GABRB1: variants seen among roughly 807,000 people sequenced by gnomAD.
GABRB1 encodes the protein gamma-aminobutyric acid receptor subunit beta-1.
GABRB1 carries 17 observed loss-of-function variants against 51.6 expected under a neutral mutation model. The ratio of observed to expected loss-of-function variants is 0.33; its 90% CI spans 0.23 to 0.49. The LOEUF is 0.49. GABRB1 is among the 20% of genes least tolerant of loss of function. The pLI is 0.99. For synonymous variants in GABRB1, 247 were observed against 218.9 expected, an observed-to-expected ratio of 1.13 and a Z score of -1.14; for missense variants, 410 against 600.6, an observed-to-expected ratio of 0.68 and a Z score of 3.32.
intron 4 of GABRB1, among the ~76,000 whole-genome samples, chr4:47,208,095 C>A (rs1367116305): frequency 1.3e-5 from 2 of 151,978 alleles, no homozygotes; most frequent in African/African-American, 2.4e-5. Flanking sequence ...TATCTATTGA[C>A]AGATAAGTGG....
rs138069242 is a variant in GABRB1 at position 47,101,841 on chromosome 4, C to T, written c.241-59408C>T. ...TATATTCTGATTTTGAAAACTTGGT[C>T]CTTAGATATGGCATGCTTATTTCAG... On this transcript the variant is annotated intron_variant, in intron 3 of 8. Transcript: ENST00000295454. Among the ~76,000 whole-genome samples the T allele has an allele frequency of 2.0e-5, 3 of 152,004 alleles. No individual in the cohort carries two copies. In the East Asian group the frequency reaches 5.8e-4, roughly 29 times the overall value.
intron 3 of GABRB1, among the ~76,000 whole-genome samples, chr4:47,132,105 G>A (rs987806943): frequency 6.6e-6 from 1 of 152,054 alleles, no homozygotes; most frequent in African/African-American, 2.4e-5. Context: ...TATTGAAGAA[G>A]AATAAAAATC....
intron 3 of GABRB1, among the ~76,000 whole-genome samples, chr4:47,090,193 AT>A (rs1728237525): frequency 6.6e-6 from 1 of 152,222 alleles, no homozygotes; most frequent in Non-Finnish European, 1.5e-5. Context: ...GTTTACTTTT[AT>A]ATCCTGTTAT....
intron 4 of GABRB1, among the ~76,000 whole-genome samples, chr4:47,205,291 C>A (rs1273361320): frequency 6.6e-6 from 1 of 152,114 alleles, no homozygotes; most frequent in Non-Finnish European, 1.5e-5. Flanking sequence ...ACAGAGAAGA[C>A]AAAAGTTGCC....
chr4:47,272,458 T>A (rs999094297), intron 4 of GABRB1, among the ~76,000 whole-genome samples: 1 of 152,180 alleles, frequency 6.6e-6, no homozygotes, highest in African/African-American at 2.4e-5. Context: ...AAGTTCAAGA[T>A]AAGAATTCTA....
chr4:47,376,707 A>G (rs1254075141), intron 5 of GABRB1, among the ~76,000 whole-genome samples: 3 of 152,156 alleles, frequency 2.0e-5, no homozygotes, highest in African/African-American at 7.2e-5. Context: ...TCTTGGGAGG[A>G]GTAGAGGCAC....
At chr4:47,375,544 G>A (rs953357473) in intron 5 of GABRB1, among the ~76,000 whole-genome samples, 1 of 152,164 alleles carries the variant, frequency 6.6e-6, no homozygotes, top group Non-Finnish European at 1.5e-5. Flanking sequence ...ATTTGTTGGT[G>A]GGGAGATGCG....
chr4:47,129,367 T>C (rs1048559135), intron 3 of GABRB1, among the ~76,000 whole-genome samples: 1 of 152,060 alleles, frequency 6.6e-6, no homozygotes, highest in African/African-American at 2.4e-5. Flanking sequence ...ATAAACCAAA[T>C]ATCAAACATG....
intron 3 of GABRB1, among the ~76,000 whole-genome samples, chr4:47,117,360 C>G (rs1715540953): frequency 6.6e-6 from 1 of 152,134 alleles, no homozygotes; most frequent in Non-Finnish European, 1.5e-5. Context: ...ATGAGTAAGT[C>G]TCTCTAATCT....
chr4:47,226,052 C>G (rs1720934989), intron 4 of GABRB1, among the ~76,000 whole-genome samples: 1 of 152,132 alleles, frequency 6.6e-6, no homozygotes, highest in African/African-American at 2.4e-5. Flanking sequence ...ATTCATTCAT[C>G]AACTATTTAT....
At chr4:47,134,915 G>C (rs1716573874) in intron 3 of GABRB1, among the ~76,000 whole-genome samples, 1 of 152,152 alleles carries the variant, frequency 6.6e-6, no homozygotes, top group Non-Finnish European at 1.5e-5. Context: ...CCAGAAGTTT[G>C]AGATCAGCCT....
At chr4:47,182,743 T>C (rs1719005401) in intron 4 of GABRB1, among the ~76,000 whole-genome samples, 1 of 151,952 alleles carries the variant, frequency 6.6e-6, no homozygotes, top group African/African-American at 2.4e-5. Context: ...AGGTAATAAG[T>C]TGCTTTAATA....
At chr4:47,080,904 CT>C (rs944079284) in intron 3 of GABRB1, among the ~76,000 whole-genome samples, 30 of 152,168 alleles carry the variant, frequency 2.0e-4, no homozygotes, top group African/African-American at 7.0e-4. Context: ...GGATTTATGT[CT>C]TTTTGGATAA....
chr4:47,125,117 T>A (rs1350554552), intron 3 of GABRB1, among the ~76,000 whole-genome samples: 1 of 152,064 alleles, frequency 6.6e-6, no homozygotes, highest in African/African-American at 2.4e-5. Context: ...TTTTCATGAG[T>A]CTATCGCAGA....
chr4:47,308,812 T>C (rs745818113), intron 4 of GABRB1, among the ~76,000 whole-genome samples: 28 of 152,132 alleles, frequency 1.8e-4, no homozygotes, highest in Non-Finnish European at 3.8e-4. Flanking sequence ...TTGGCTTCTA[T>C]GTTTATTTCA....
intron 4 of GABRB1, among the ~76,000 whole-genome samples, chr4:47,179,960 A>T (rs1718873724): frequency 6.6e-6 from 1 of 152,088 alleles, no homozygotes; most frequent in African/African-American, 2.4e-5. Context: ...AGATTATGCT[A>T]TTTAGGAGGC....
chr4:47,109,174 A>G (rs1261647935), intron 3 of GABRB1, among the ~76,000 whole-genome samples: 1 of 152,092 alleles, frequency 6.6e-6, no homozygotes, highest in Non-Finnish European at 1.5e-5. Flanking sequence ...GGTTTGAAGG[A>G]TAGCTTAGAG....
intron 4 of GABRB1, among the ~76,000 whole-genome samples, chr4:47,272,206 C>T (rs1235092326): frequency 6.6e-6 from 1 of 152,078 alleles, no homozygotes; most frequent in Non-Finnish European, 1.5e-5. Flanking sequence ...TAAAAAGTGG[C>T]AACATAATGG....
intron 3 of GABRB1, among the ~76,000 whole-genome samples, chr4:47,038,450 G>A (rs1438875308): frequency 6.6e-6 from 1 of 152,160 alleles, no homozygotes; most frequent in Non-Finnish European, 1.5e-5. Flanking sequence ...TCTATGTGGA[G>A]CTGTCCATTG....
Sources: gnomAD v4.1 joint callset for allele counts (sites outside exome capture counted in the v4.1 genomes callset) on GRCh38, gnomAD v4.1.1 for gene constraint, MANE v1.5 for transcripts, NCBI Gene and HGNC (gene_info 2026-07-23, HGNC 2026-07-21) for gene names.